STX12: variants seen among roughly 807,000 people sequenced by gnomAD.
STX12 encodes syntaxin 12, also known as syntaxin-12.
In STX12, 17 loss-of-function variants were observed where a neutral mutation model predicts 42.2. The observed-to-expected ratio is 0.40, with a 90% CI of 0.28 to 0.60. The LOEUF (loss-of-function observed/expected upper bound fraction) is 0.60, where lower values mean the gene tolerates loss of function less well. Ranked by LOEUF, STX12 falls within the 20% of genes least tolerant of loss-of-function variation. The pLI, the probability that STX12 is intolerant of heterozygous loss-of-function variation, is 0.39. For missense variants in STX12, 297 were observed against 330.9 expected (o/e 0.90, Z 0.79); for synonymous variants, 108 against 116.7 (o/e 0.93, Z 0.48).
At chr1:27,793,401 G>A in intron 2 of STX12, 132 bp from the exon 3 acceptor site, 1 of 665,884 alleles carries the variant, frequency 1.5e-6, no homozygotes, top group Non-Finnish European at 2.6e-6. Flanking sequence ...TGTGAACCTG[G>A]GCATCTAGGG....
In STX12 at chr1:27,801,811, T is replaced by C. The variant is rs2088830171; in HGVS notation, c.422T>C (p.Leu141Pro). Residue 141 changes from leucine (L) to proline (P), a missense_variant, in exon 4 of 9, where the codon CTT becomes CCT. By Grantham distance (98) the Leu-to-Pro change is moderately conservative (BLOSUM62 -3). Transcript: ENST00000373943. ...GCCAGAGCAAGAGCTGGATCTCGTC[T>C]TTCTGTAAGTTGATTCCCAAAAGAA... is the stretch of plus-strand genomic sequence containing the variant. ...SIARARAGSR[L>P]SAEERQREEQ... 2 of 1,574,628 alleles carry C rather than the reference T, an allele frequency of 1.3e-6. No homozygotes were observed. Among genetic ancestry groups the C allele is most frequent in the South Asian group, 1.2e-5 (1 of 83,178 alleles).
rs143471614 is a variant in STX12, at chr1:27,786,399, A to G, written c.119-3163A>G. 3.0e-3 allele frequency among the ~76,000 whole-genome samples: 451 copies of G among 152,248 alleles called. 6 individuals are homozygous for G. The highest frequency in any genetic ancestry group is 0.011 in the African/African-American group (438 of 41,538). ...TCAGAGAGGTCTCTCTGACCACTCT[A>G]TATAACTAGTATCCTCTGCCCACCA... On this transcript the variant is annotated intron_variant, in intron 1 of 8. Transcript: ENST00000373943.
chr1:27,800,268 C>T (rs891378103), intron 3 of STX12, among the ~76,000 whole-genome samples: 1 of 152,186 alleles, frequency 6.6e-6, no homozygotes, highest in African/African-American at 2.4e-5. Context: ...CCTCTTACTT[C>T]ACTGTCCACC....
rs1269860118 is a variant in STX12, at chr1:27,792,284, GTA to G, written c.189-1248_189-1247del. ...TACATATATATGTATCTATATATAT[GTA>G]GATACATATATATGTATCTATATAT... is the stretch of plus-strand genomic sequence containing the variant. On this transcript the variant is annotated intron_variant, in intron 2 of 8. Transcript: ENST00000373943. Among the ~76,000 whole-genome samples the G allele has an allele frequency of 1.4e-4, 11 of 78,834 alleles. 1 individual carries two copies. The highest frequency in any genetic ancestry group is 1.1e-3 in the South Asian group (3 of 2,802). 51.7% of individuals were successfully genotyped at this position (78,834 alleles called of 152,430 possible). A position where few individuals can be genotyped will look rare whatever the true frequency, so the allele number is the denominator to read the frequency against.
At chr1:27,773,692 C>CCGAG (rs1369931563) in intron 1 of STX12, among the ~76,000 whole-genome samples, 3 of 152,188 alleles carry the variant, frequency 2.0e-5, no homozygotes, top group African/African-American at 4.8e-5. Context: ...ACTTGACAGC[C>CCGAG]CGAGGGTGGG....
chr1:27,781,411 G>A (rs2088667480), intron 1 of STX12, among the ~76,000 whole-genome samples: 1 of 152,150 alleles, frequency 6.6e-6, no homozygotes, highest in African/African-American at 2.4e-5. Flanking sequence ...TAGGTAGGCA[G>A]GCTCAGGAGT....
intron 2 of STX12, among the ~76,000 whole-genome samples, chr1:27,791,369 G>A (rs1385185139): frequency 1.3e-5 from 2 of 152,164 alleles, no homozygotes; most frequent in African/African-American, 2.4e-5. Context: ...CCAATCCCCC[G>A]TGGATACTGA....
intron 7 of STX12, among the ~76,000 whole-genome samples, chr1:27,819,013 C>T (rs989319377): frequency 2.0e-5 from 3 of 151,908 alleles, no homozygotes; most frequent in Admixed American, 6.6e-5. Context: ...TGGTTGCTCA[C>T]GCTTGTAATC....
chr1:27,805,964 A>T (rs2088860293), intron 4 of STX12, among the ~76,000 whole-genome samples: 1 of 152,180 alleles, frequency 6.6e-6, no homozygotes, highest in Non-Finnish European at 1.5e-5. Context: ...TCTATATTAT[A>T]CTTTGATTGG....
At chr1:27,803,862 G>T (rs555992752) in intron 4 of STX12, among the ~76,000 whole-genome samples, 22 of 151,944 alleles carry the variant, frequency 1.4e-4, no homozygotes, top group African/African-American at 4.8e-4. Flanking sequence ...TTAGCTGGGC[G>T]TGGTAGCGCG....
At chr1:27,792,170 ATACATATATATG>A (rs1557800962) in intron 2 of STX12, among the ~76,000 whole-genome samples, 1,891 of 130,718 alleles carry the variant, frequency 0.014, 36 homozygotes, top group African/African-American at 0.061. Flanking sequence ...ATATATGTAT[ATACATATATATG>A]TATCTATATA....
intron 2 of STX12, among the ~76,000 whole-genome samples, chr1:27,790,153 A>G (rs1258784786): frequency 6.6e-6 from 1 of 152,220 alleles, no homozygotes; most frequent in Non-Finnish European, 1.5e-5. Flanking sequence ...AATTATTTAC[A>G]TAGTATTTAC....
intron 6 of STX12, among the ~76,000 whole-genome samples, chr1:27,815,527 T>C (rs572073796): frequency 1.3e-5 from 2 of 152,350 alleles, no homozygotes; most frequent in South Asian, 4.1e-4. Context: ...CACCTTTCTA[T>C]ACCATTAATT....
chr1:27,819,601 C>G, intron 7 of STX12, 49 bp from the exon 8 acceptor site: 1 of 1,534,948 alleles, frequency 6.5e-7, no homozygotes, highest in Non-Finnish European at 9.0e-7. Context: ...AATTTGCAGT[C>G]TTAAAACATC....
intron 7 of STX12, 95 bp downstream of exon 7, chr1:27,818,018 C>T: frequency 1.9e-6 from 2 of 1,049,446 alleles, no homozygotes; most frequent in Non-Finnish European, 2.9e-6. Flanking sequence ...GGCTGAAGCA[C>T]CATCTAGGAG....
chr1:27,778,280 TG>T (rs1274339687), intron 1 of STX12, among the ~76,000 whole-genome samples: 1 of 152,170 alleles, frequency 6.6e-6, no homozygotes, highest in Non-Finnish European at 1.5e-5. Context: ...CAGTATGTGT[TG>T]GGTACAGAAG....
chr1:27,792,534 T>A (rs1023734751), intron 2 of STX12, among the ~76,000 whole-genome samples: 3 of 151,746 alleles, frequency 2.0e-5, no homozygotes, highest in Admixed American at 6.6e-5. Flanking sequence ...TCCTTTTTTT[T>A]AAATCCTGGA....
At chr1:27,777,290 G>A (rs2088633767) in intron 1 of STX12, among the ~76,000 whole-genome samples, 1 of 150,486 alleles carries the variant, frequency 6.6e-6, no homozygotes, top group Non-Finnish European at 1.5e-5. Context: ...AAATGAGCAA[G>A]AGCTGTGTGA....
chr1:27,805,087 C>G (rs1243174446), intron 4 of STX12, among the ~76,000 whole-genome samples: 1 of 152,036 alleles, frequency 6.6e-6, no homozygotes, highest in African/African-American at 2.4e-5. Context: ...AAAACTGTCC[C>G]CATGCTTCAG....
Sources: allele counts gnomAD v4.1 joint callset (sites outside exome capture counted in the v4.1 genomes callset), GRCh38; gene constraint gnomAD v4.1.1; transcripts MANE v1.5; gene names NCBI Gene and HGNC (gene_info 2026-07-23, HGNC 2026-07-21).